The following TMEM163 variants were observed in gnomAD, a reference collection of about 807,000 sequenced individuals.
TMEM163 encodes the protein transmembrane protein 163.
TMEM163 carries 17 observed loss-of-function variants against 29.3 expected under a neutral mutation model. The ratio of observed to expected loss-of-function variants is 0.58; its 90% CI spans 0.40 to 0.87. TMEM163 has a LOEUF of 0.87. Ranked by LOEUF, TMEM163 falls within the 40% of genes least tolerant of loss-of-function variation. The probability of loss-of-function intolerance (pLI) is 0.00; values close to 1 mark genes in which losing one functional copy is unlikely to be tolerated. For synonymous variants in TMEM163, 157 were observed against 160.6 expected (o/e 0.98, Z 0.17); for missense variants, 303 against 381.5 (o/e 0.79, Z 1.71).
Position 134,699,554 on chromosome 2 carries a change from T to C in TMEM163, c.322+13646A>G, listed in dbSNP as rs12473087. 0.02 allele frequency among the ~76,000 whole-genome samples: 3,074 copies of C among 152,096 alleles called. 203 individuals are homozygous for C. The East Asian group carries it at 0.22, about 11-fold the overall frequency. ...TGATGACATAGAGTATATAACCACA[T>C]AAGTTTACATATTCTGATATATTCT... On this transcript the variant is annotated intron_variant, in intron 2 of 7. Coordinates refer to ENST00000281924, the MANE Select transcript of TMEM163 (RefSeq NM_030923.5).
chr2:134,553,834 C>T (rs1362326342), intron 2 of TMEM163, among the ~76,000 whole-genome samples: 3 of 152,272 alleles, frequency 2.0e-5, no homozygotes, highest in African/African-American at 7.2e-5. Flanking sequence ...CATCAACTCA[C>T]CAGCCATGCC....
At chr2:134,718,508 C>A (rs1010901967) in intron 1 of TMEM163, among the ~76,000 whole-genome samples, 3 of 152,222 alleles carry the variant, frequency 2.0e-5, no homozygotes, top group African/African-American at 7.2e-5. Flanking sequence ...GGCCTGAAGG[C>A]AGCTGGGGTC....
Position 134,466,204 on chromosome 2 carries a change from A to G in TMEM163, c.577T>C (p.Ser193Pro), listed in dbSNP as rs113424259. ...PEVDDFLFSV[S>P]ILSGILCSIL... ...CTGCAAAGAATCCCACTTAAAATGG[A>G]GACACTGAACAGGAAATCGTCCTGC... Residue 193 changes from serine (S) to proline (P), a missense_variant, in exon 6 of 8, where the codon TCC becomes CCC. This residue lies in a region of TMEM163 where 203 missense variants were observed against 294.3 expected (regional missense o/e 0.69). Transcript: ENST00000281924. 1 of 1,613,690 alleles carries G rather than the reference A, an allele frequency of 6.2e-7. No homozygotes were observed. The highest frequency in any genetic ancestry group is 8.5e-7 in the Non-Finnish European group (1 of 1,179,938).
intron 4 of TMEM163, among the ~76,000 whole-genome samples, chr2:134,548,149 G>A (rs1216293350): frequency 6.6e-6 from 1 of 151,964 alleles, no homozygotes; most frequent in Admixed American, 6.6e-5. Context: ...TCCTTTGAGG[G>A]CACTGGCCAA....
At chr2:134,694,023 G>T (rs1684529775) in intron 2 of TMEM163, among the ~76,000 whole-genome samples, 2 of 152,112 alleles carry the variant, frequency 1.3e-5, no homozygotes, top group Admixed American at 6.5e-5. Context: ...TATGAGCTTG[G>T]AAACTTAGGA....
intron 2 of TMEM163, among the ~76,000 whole-genome samples, chr2:134,643,738 T>C (rs1181811601): frequency 6.6e-6 from 1 of 151,596 alleles, no homozygotes; most frequent in African/African-American, 2.4e-5. Context: ...ACTCTCACCA[T>C]TCCTATTCAA....
chr2:134,716,039 CA>C lies in TMEM163; in HGVS notation c.202+2694del, dbSNP rs150065373. ...TTTCTACACTAGTATGCATTAGTTC[CA>C]ATTCCTTTCTCCTAAGTTTGTCAAG... On this transcript the variant is annotated intron_variant, in intron 1 of 7. Transcript: ENST00000281924. Among the ~76,000 whole-genome samples the C allele has an allele frequency of 6.9e-3, 1,049 of 152,240 alleles. 9 individuals are homozygous for C. Among genetic ancestry groups the C allele is most frequent in the African/African-American group, 0.024 (1,006 of 41,534 alleles).
At chr2:134,715,811 A>G (rs1685026315) in intron 1 of TMEM163, among the ~76,000 whole-genome samples, 1 of 152,224 alleles carries the variant, frequency 6.6e-6, no homozygotes, top group African/African-American at 2.4e-5. Context: ...AAGCTACGAC[A>G]GGCCTCGGAT....
chr2:134,669,418 GAAGACACA>G (rs769609999), intron 2 of TMEM163, among the ~76,000 whole-genome samples: 39 of 152,218 alleles, frequency 2.6e-4, no homozygotes, highest in Non-Finnish European at 2.1e-4. Context: ...TCTCCAGATG[GAAGACACA>G]AATCAGATCC....
rs541846254 is a variant in TMEM163 at position 134,621,617 on chromosome 2, G to A, written c.323-69526C>T. Among the ~76,000 whole-genome samples the A allele has an allele frequency of 8.4e-4, 128 of 152,284 alleles. 3 individuals are homozygous for A. In the South Asian group the frequency reaches 0.026, roughly 31 times the overall value. ...TAAATAAACCCAATGTGGGCCGGGC[G>A]TGGTGGCTCACCCCTGTAATCCCAG... On this transcript the variant is annotated intron_variant, in intron 2 of 7. Transcript: ENST00000281924.
At position 134,544,622 on chromosome 2, in the gene TMEM163, C is replaced by T. The variant is rs192433844; in HGVS notation, c.458+5948G>A. ...CAGCCTGGCCAACATGGTGAAACCC[C>T]GTCTCTACTAAAAATACAAAAAATT... is the stretch of plus-strand genomic sequence containing the variant. On this transcript the variant is annotated intron_variant, in intron 4 of 7. Coordinates refer to ENST00000281924, the MANE Select transcript of TMEM163 (RefSeq NM_030923.5). Among the ~76,000 whole-genome samples the T allele has an allele frequency of 2.0e-3, 309 of 152,124 alleles. 2 individuals are homozygous for T. The highest frequency in any genetic ancestry group is 7.1e-3 in the African/African-American group (295 of 41,490).
At chr2:134,589,435 C>G (rs1681892977) in intron 2 of TMEM163, among the ~76,000 whole-genome samples, 1 of 152,142 alleles carries the variant, frequency 6.6e-6, no homozygotes, top group Admixed American at 6.5e-5. Context: ...CCAGAACCTA[C>G]CAAAACCAAG....
intron 2 of TMEM163, among the ~76,000 whole-genome samples, chr2:134,653,915 T>A (rs1192155403): frequency 7.9e-6 from 1 of 127,018 alleles, no homozygotes; most frequent in Non-Finnish European, 1.6e-5. Flanking sequence ...TGAGAGAGAG[T>A]TTGTTATAAT....
At chr2:134,470,356 C>CAAAA (rs35003964) in intron 5 of TMEM163, among the ~76,000 whole-genome samples, 1 of 91,336 alleles carries the variant, frequency 1.1e-5, no homozygotes. Context: ...GACTCCGTCT[C>CAAAA]AAAAAAAAAA....
At chr2:134,668,859 A>G (rs1323677443) in intron 2 of TMEM163, among the ~76,000 whole-genome samples, 1 of 152,208 alleles carries the variant, frequency 6.6e-6, no homozygotes, top group African/African-American at 2.4e-5. Flanking sequence ...TCACACTTGG[A>G]AGGCCAAACC....
chr2:134,598,382 A>G (rs1558959154), intron 2 of TMEM163, among the ~76,000 whole-genome samples: 1 of 151,522 alleles, frequency 6.6e-6, no homozygotes. Flanking sequence ...TGTACTATAC[A>G]TTGTTCTAAG....
intron 2 of TMEM163, among the ~76,000 whole-genome samples, chr2:134,642,526 A>C (rs1683243731): frequency 6.6e-6 from 1 of 152,204 alleles, no homozygotes; most frequent in Non-Finnish European, 1.5e-5. Context: ...GAATGGAACA[A>C]CACCAGTATC....
intron 2 of TMEM163, among the ~76,000 whole-genome samples, chr2:134,690,085 C>T (rs1684429287): frequency 1.1e-4 from 17 of 152,122 alleles, no homozygotes; most frequent in Admixed American, 1.1e-3. Context: ...CACGCACCAC[C>T]ATGCCTGGCT....
At chr2:134,591,907 T>TC (rs1681943392) in intron 2 of TMEM163, among the ~76,000 whole-genome samples, 1 of 99,230 alleles carries the variant, frequency 1.0e-5, no homozygotes, top group Non-Finnish European at 2.3e-5. Flanking sequence ...ACAGTGTTGA[T>TC]TAAAAAAAAA....
Sources: gnomAD v4.1 joint callset for allele counts (sites outside exome capture counted in the v4.1 genomes callset) on GRCh38, gnomAD v4.1.1 for gene constraint, gnomAD v4.1.1 regional missense constraint, MANE v1.5 for transcripts, NCBI Gene and HGNC (gene_info 2026-07-23, HGNC 2026-07-21) for gene names.